Variants in SH3PXD2A observed in about 807,000 individuals in gnomAD.
SH3PXD2A encodes the protein SH3 and PX domain-containing protein 2A.
A neutral mutation model predicts 115.2 loss-of-function variants in SH3PXD2A; 32 were observed. The ratio of observed to expected loss-of-function variants is 0.28; its 90% CI spans 0.21 to 0.37. The LOEUF is 0.37. SH3PXD2A is among the 10% of genes least tolerant of loss of function. The pLI is 1.00. For missense variants in SH3PXD2A, 1,328 were observed against 1,498.7 expected, an observed-to-expected ratio of 0.89 and a Z score of 1.88; for synonymous variants, 610 against 629.1, an observed-to-expected ratio of 0.97 and a Z score of 0.45.
In SH3PXD2A at chr10:103,784,016, G is replaced by A. The variant is rs578146625; in HGVS notation, c.154-16847C>T. On this transcript the variant is annotated intron_variant, in intron 2 of 14. Coordinates refer to ENST00000369774, the MANE Select transcript of SH3PXD2A (RefSeq NM_001394015.1). This position sits in a 1 kb window ranked among gnomAD's most constrained non-coding sequence, Gnocchi z 4.4. ...GAAAAGTCCCCCCGCAAAGCTTGCT[G>A]TCTTCCAAGCCCACCCTGGTGCCCA... is the stretch of plus-strand genomic sequence containing the variant. Among the ~76,000 whole-genome samples the A allele has an allele frequency of 5.3e-5, 8 of 152,360 alleles. No homozygotes were observed. The highest frequency in any genetic ancestry group is 1.9e-4 in the African/African-American group (8 of 41,584).
chr10:103,657,045 G>A (rs2037223145), intron 8 of SH3PXD2A, among the ~76,000 whole-genome samples: 1 of 151,660 alleles, frequency 6.6e-6, no homozygotes, highest in Non-Finnish European at 1.5e-5. Flanking sequence ...CTAAAGCATT[G>A]ACCCTAGAGG....
chr10:103,762,109 C>T (rs1469328059), intron 3 of SH3PXD2A, among the ~76,000 whole-genome samples: 1 of 149,330 alleles, frequency 6.7e-6, no homozygotes, highest in East Asian at 2.0e-4. Flanking sequence ...GTGACCTCTG[C>T]CTCCCAGGTT....
rs1386647651 is a variant in SH3PXD2A, at chr10:103,597,540, C to G, written c.*4276G>C. 6.6e-6 allele frequency: 1 copy of G among 152,298 alleles called. No individual in the cohort carries two copies. Among genetic ancestry groups the G allele is most frequent in the Non-Finnish European group, 1.5e-5 (1 of 68,050 alleles). 9.4% of individuals were successfully genotyped at this position (152,298 alleles called of 1,614,324 possible). ...GAGGTCAAGGGCCCCATGCCTGAAT[C>G]CCTTTCTTCTGGGTGGATCTGGCAG... On this transcript the variant is annotated 3_prime_UTR_variant, in exon 15 of 15. Coordinates refer to ENST00000369774, the MANE Select transcript of SH3PXD2A (RefSeq NM_001394015.1).
At chr10:103,641,266 T>A (rs1291855798) in intron 8 of SH3PXD2A, among the ~76,000 whole-genome samples, 1 of 152,272 alleles carries the variant, frequency 6.6e-6, no homozygotes, top group African/African-American at 2.4e-5. Flanking sequence ...CGCCAAAATC[T>A]TAGGTGCAAG....
At chr10:103,629,383 G>T (rs998746200) in intron 8 of SH3PXD2A, among the ~76,000 whole-genome samples, 5 of 152,230 alleles carry the variant, frequency 3.3e-5, no homozygotes, top group Admixed American at 3.3e-4. Flanking sequence ...GGGCTCAGTG[G>T]TTATTAGAGC....
intron 1 of SH3PXD2A, among the ~76,000 whole-genome samples, chr10:103,806,030 C>T (rs1428186948): frequency 1.3e-5 from 2 of 152,244 alleles, no homozygotes; most frequent in Non-Finnish European, 2.9e-5. Flanking sequence ...TACAGCCACA[C>T]TTCCCCCTAA....
chr10:103,708,875 C>A (rs979283254), intron 5 of SH3PXD2A, among the ~76,000 whole-genome samples: 1 of 152,008 alleles, frequency 6.6e-6, no homozygotes, highest in Non-Finnish European at 1.5e-5. Flanking sequence ...TAATGCATGT[C>A]CCCCATCCAC....
chr10:103,819,684 G>A (rs565848462), intron 1 of SH3PXD2A, among the ~76,000 whole-genome samples: 1 of 152,098 alleles, frequency 6.6e-6, no homozygotes, highest in East Asian at 1.9e-4. Context: ...ACAGGTGTCG[G>A]GGAGATCTAA....
chr10:103,598,007 T>G lies in SH3PXD2A; in HGVS notation c.*3809A>C, dbSNP rs1192118780. The G allele has an allele frequency of 6.6e-6, 1 of 152,574 alleles. No homozygotes were observed. Among genetic ancestry groups the G allele is most frequent in the African/African-American group, 2.4e-5 (1 of 41,472 alleles). 9.5% of individuals were successfully genotyped at this position (152,574 alleles called of 1,614,324 possible). ...ATAATGCCTGACTGGAATTCCCTTG[T>G]CTTTTTTCCTTAGATGATAAAAGTA... is the stretch of plus-strand genomic sequence containing the variant. On this transcript the variant is annotated 3_prime_UTR_variant, in exon 15 of 15. Coordinates refer to ENST00000369774, the MANE Select transcript of SH3PXD2A (RefSeq NM_001394015.1).
intron 2 of SH3PXD2A, among the ~76,000 whole-genome samples, chr10:103,799,690 C>A (rs1277527812): frequency 6.6e-6 from 1 of 152,246 alleles, no homozygotes; most frequent in African/African-American, 2.4e-5. Flanking sequence ...CCCCCTCCAG[C>A]TCATCAATGA....
chr10:103,616,614 C>G (rs954563518), intron 11 of SH3PXD2A, among the ~76,000 whole-genome samples: 1 of 152,234 alleles, frequency 6.6e-6, no homozygotes, highest in Non-Finnish European at 1.5e-5. Flanking sequence ...AAGGAAGAAG[C>G]CTCCGATGGC....
At chr10:103,675,048 C>T (rs1020376963) in intron 6 of SH3PXD2A, among the ~76,000 whole-genome samples, 3 of 152,116 alleles carry the variant, frequency 2.0e-5, no homozygotes, top group African/African-American at 7.2e-5. Flanking sequence ...GCCAGCTGGT[C>T]AGAGATACCC....
intron 4 of SH3PXD2A, among the ~76,000 whole-genome samples, 194 bp downstream of exon 4, chr10:103,735,538 C>T (rs529039500): frequency 7.2e-5 from 11 of 152,306 alleles, no homozygotes; most frequent in South Asian, 2.1e-4. Flanking sequence ...GCTGTGAACC[C>T]GAGGTCCTTG....
At position 103,627,014 on chromosome 10, in the gene SH3PXD2A, G is replaced by T; in HGVS notation, c.718+75C>A. ...TCAGCTCACTTTAGGGGTTCTGTTG[G>T]TTCTAGGGAAAGAGTGAGAGAGCTG... On this transcript the variant is annotated intron_variant, in intron 9 of 14. Coordinates refer to ENST00000369774, the MANE Select transcript of SH3PXD2A (RefSeq NM_001394015.1). This position sits in a 1 kb window ranked among gnomAD's most constrained non-coding sequence, Gnocchi z 4.4. 1 of 816,048 alleles carries T rather than the reference G, an allele frequency of 1.2e-6. No individual in the cohort carries two copies. The allele number at this position is 816,048 out of a possible 1,614,324, so 50.6% of individuals were successfully genotyped here.
intron 2 of SH3PXD2A, among the ~76,000 whole-genome samples, chr10:103,796,393 AAAAAAAG>A (rs1336456384): frequency 1.3e-5 from 2 of 150,992 alleles, no homozygotes; most frequent in East Asian, 3.9e-4. Flanking sequence ...GTAAAAAAAA[AAAAAAAG>A]AGAGAGAGAG....
At chr10:103,738,797 T>A (rs973999599) in intron 3 of SH3PXD2A, among the ~76,000 whole-genome samples, 6 of 149,210 alleles carry the variant, frequency 4.0e-5, no homozygotes, top group African/African-American at 1.5e-4. Context: ...AGAACTCTCT[T>A]TTTTTTTTTT....
In SH3PXD2A at chr10:103,774,336, C is replaced by T. The variant is rs548526698; in HGVS notation, c.154-7167G>A. 3.8e-4 allele frequency among the ~76,000 whole-genome samples: 58 copies of T among 152,264 alleles called. No homozygotes were observed. In the South Asian group the frequency reaches 0.01, roughly 27 times the overall value. ...GATCCTTCTGCCATTTCCATACTAGCGGTTAAGCTCATCCAGTGAAATTTT... is the reference window on the plus strand; with the variant it reads ...GATCCTTCTGCCATTTCCATACTAGTGGTTAAGCTCATCCAGTGAAATTTT... On this transcript the variant is annotated intron_variant, in intron 2 of 14. Coordinates refer to ENST00000369774, the MANE Select transcript of SH3PXD2A (RefSeq NM_001394015.1).
chr10:103,819,151 C>T (rs1467897628), intron 1 of SH3PXD2A, among the ~76,000 whole-genome samples: 1 of 152,236 alleles, frequency 6.6e-6, no homozygotes, highest in Admixed American at 6.5e-5. Context: ...GTGCTAGACA[C>T]TGGCAACACA....
intron 1 of SH3PXD2A, among the ~76,000 whole-genome samples, chr10:103,839,174 C>G (rs368394645): frequency 3.9e-5 from 6 of 152,234 alleles, no homozygotes; most frequent in African/African-American, 1.4e-4. Flanking sequence ...ATAGAAATCC[C>G]AACTCTCTTT....
Sources: allele counts gnomAD v4.1 joint callset (sites outside exome capture counted in the v4.1 genomes callset), GRCh38; gene constraint gnomAD v4.1.1; non-coding constraint Gnocchi (gnomAD v3.1); transcripts MANE v1.5; gene names NCBI Gene and HGNC (gene_info 2026-07-23, HGNC 2026-07-21).